DCDC1: variants seen among roughly 807,000 people sequenced by gnomAD.
The protein encoded by DCDC1 is doublecortin domain containing 1.
Under a neutral mutation model 178.3 loss-of-function variants are expected in DCDC1, and 200 were observed. The ratio of observed to expected loss-of-function variants is 1.12; its 90% CI spans 1.00 to 1.26. The LOEUF (loss-of-function observed/expected upper bound fraction) is 1.26, where lower values mean the gene tolerates loss of function less well. Ranked by LOEUF, DCDC1 falls within the 50% of genes most tolerant of loss-of-function variation. The pLI, the probability that DCDC1 is intolerant of heterozygous loss-of-function variation, is 0.00. For synonymous variants in DCDC1, 690 were observed against 604.8 expected, an observed-to-expected ratio of 1.14 and a Z score of -2.07; for missense variants, 1,983 against 1,749.2, an observed-to-expected ratio of 1.13 and a Z score of -2.38.
At chr11:31,272,524 A>C (rs1198627062) in intron 7 of DCDC1, among the ~76,000 whole-genome samples, 1 of 152,194 alleles carries the variant, frequency 6.6e-6, no homozygotes, top group Non-Finnish European at 1.5e-5. Context: ...AAGCAAGTTA[A>C]TTACTCTCTA....
chr11:31,291,730 T>A lies in DCDC1; in HGVS notation c.755-878A>T, dbSNP rs148616688. 5.7e-3 allele frequency among the ~76,000 whole-genome samples: 866 copies of A among 152,260 alleles called. 7 individuals are homozygous for A. The highest frequency in any genetic ancestry group is 0.02 in the African/African-American group (835 of 41,588). ...CAAAAATACAATGATCCCTCCCTCA[T>A]CTGCTCTTATTTGTTCTGAGAGAAA... On this transcript the variant is annotated intron_variant, in intron 6 of 38. Transcript: ENST00000684477.
At chr11:31,073,206 G>A (rs1259046036) in intron 18 of DCDC1, among the ~76,000 whole-genome samples, 2 of 152,248 alleles carry the variant, frequency 1.3e-5, no homozygotes, top group South Asian at 2.1e-4. Context: ...GATTGTGTTT[G>A]GGAATTAAGT....
Position 31,042,153 on chromosome 11 carries a change from T to G in DCDC1, c.2591+22316A>C, listed in dbSNP as rs189421767. Among the ~76,000 whole-genome samples, 14 of 152,322 alleles carry G rather than the reference T, an allele frequency of 9.2e-5. No homozygotes were observed. In the East Asian group the frequency reaches 2.7e-3, roughly 29 times the overall value. On this transcript the variant is annotated intron_variant, in intron 20 of 38. Transcript: ENST00000684477. ...TTGTAATATGAAGCATGGGGGTTGG[T>G]GAAGTATTAGAATGAGATTCAATAT...
At chr11:30,983,309 T>C (rs1022455683) in intron 20 of DCDC1, among the ~76,000 whole-genome samples, 1 of 152,228 alleles carries the variant, frequency 6.6e-6, no homozygotes, top group African/African-American at 2.4e-5. Flanking sequence ...ATGTCTTTGC[T>C]TACTTTTTAT....
At chr11:31,364,784 A>G (rs759253523) in intron 1 of DCDC1, among the ~76,000 whole-genome samples, 22 of 151,974 alleles carry the variant, frequency 1.4e-4, no homozygotes, top group Non-Finnish European at 2.8e-4. Flanking sequence ...ATGAGCTAGG[A>G]TTATTCATTA....
intron 23 of DCDC1, among the ~76,000 whole-genome samples, chr11:30,922,843 T>A (rs1274971633): frequency 6.6e-6 from 1 of 152,238 alleles, no homozygotes; most frequent in African/African-American, 2.4e-5. Flanking sequence ...TCAAGAGTTT[T>A]GTATTAAGTG....
chr11:31,003,783 A>G (rs1292829718), intron 20 of DCDC1, among the ~76,000 whole-genome samples: 1 of 152,244 alleles, frequency 6.6e-6, no homozygotes, highest in African/African-American at 2.4e-5. Context: ...ATACCACTGA[A>G]GAACATTAAA....
At chr11:31,021,299 T>C (rs187937726) in intron 20 of DCDC1, among the ~76,000 whole-genome samples, 1 of 152,318 alleles carries the variant, frequency 6.6e-6, no homozygotes, top group African/African-American at 2.4e-5. Context: ...CAGCATTGAT[T>C]TAAAAAGCAT....
At chr11:31,164,056 T>C (rs1966557105) in intron 9 of DCDC1, among the ~76,000 whole-genome samples, 2 of 152,140 alleles carry the variant, frequency 1.3e-5, no homozygotes, top group South Asian at 2.1e-4. Context: ...ACTATACTTA[T>C]GTAGGAATGC....
intron 3 of DCDC1, among the ~76,000 whole-genome samples, chr11:31,310,054 C>G (rs751793221): frequency 1.3e-5 from 2 of 152,068 alleles, no homozygotes; most frequent in African/African-American, 4.8e-5. Flanking sequence ...CTTCCCAACT[C>G]CACATGATCC....
At chr11:30,924,789 T>A (rs567813894) in intron 23 of DCDC1, among the ~76,000 whole-genome samples, 1 of 152,238 alleles carries the variant, frequency 6.6e-6, no homozygotes, top group East Asian at 1.9e-4. Context: ...GTAGATTAAT[T>A]CGGCCGGGCG....
chr11:30,952,746 A>G (rs1948509153), intron 20 of DCDC1, among the ~76,000 whole-genome samples, 178 bp from the exon 21 acceptor site: 1 of 152,224 alleles, frequency 6.6e-6, no homozygotes, highest in Non-Finnish European at 1.5e-5. Context: ...TTACTAAAAA[A>G]TAATAAATTT....
intron 20 of DCDC1, among the ~76,000 whole-genome samples, chr11:30,969,375 C>T (rs868401937): frequency 3.3e-5 from 5 of 152,246 alleles, no homozygotes; most frequent in Middle Eastern, 3.4e-3. Context: ...GATGAGGCCT[C>T]AAACCAAGGG....
chr11:31,207,369 G>T (rs2136486174), intron 9 of DCDC1, among the ~76,000 whole-genome samples: 1 of 152,202 alleles, frequency 6.6e-6, no homozygotes, highest in South Asian at 2.1e-4. Flanking sequence ...TAAGCAGAAG[G>T]GTGTCCATGT....
intron 1 of DCDC1, among the ~76,000 whole-genome samples, chr11:31,337,994 C>T (rs1950356019): frequency 6.6e-6 from 1 of 152,108 alleles, no homozygotes. Flanking sequence ...TTTGTATCAG[C>T]AGGAAGCAGG....
chr11:31,340,373 G>T (rs1418085235), intron 1 of DCDC1, among the ~76,000 whole-genome samples: 2 of 152,148 alleles, frequency 1.3e-5, no homozygotes, highest in African/African-American at 4.8e-5. Flanking sequence ...GGGAGGAAAG[G>T]AGAAGGAGAG....
chr11:30,968,098 A>C (rs1490555456), intron 20 of DCDC1, among the ~76,000 whole-genome samples: 1 of 152,120 alleles, frequency 6.6e-6, no homozygotes, highest in Non-Finnish European at 1.5e-5. Flanking sequence ...GAACTGAGAC[A>C]GTTTCTATCC....
chr11:30,885,007 A>G (rs1943038184), intron 36 of DCDC1, among the ~76,000 whole-genome samples: 1 of 152,012 alleles, frequency 6.6e-6, no homozygotes, highest in African/African-American at 2.4e-5. Context: ...ACAAAGTGCA[A>G]CAATGAGCAA....
chr11:31,064,830 TAA>T (rs1171753937), intron 19 of DCDC1, among the ~76,000 whole-genome samples, 187 bp downstream of exon 19: 6 of 152,320 alleles, frequency 3.9e-5, no homozygotes, highest in African/African-American at 1.4e-4. Context: ...AATGTTTATA[TAA>T]AGTTATATGT....
Sources: gnomAD v4.1 joint callset for allele counts (sites outside exome capture counted in the v4.1 genomes callset) on GRCh38, gnomAD v4.1.1 for gene constraint, MANE v1.5 for transcripts, NCBI Gene and HGNC (gene_info 2026-07-23, HGNC 2026-07-21) for gene names.